Variants in SLC9C1 observed in about 807,000 individuals in gnomAD.
SLC9C1 encodes the protein solute carrier family 9 member C1.
SLC9C1 carries 97 observed loss-of-function variants against 140.9 expected under a neutral mutation model. The ratio of observed to expected loss-of-function variants is 0.69; its 90% CI spans 0.58 to 0.82. The LOEUF is 0.82. Ranked by LOEUF, SLC9C1 falls within the 40% of genes least tolerant of loss-of-function variation. The pLI is 0.00. For missense variants in SLC9C1, 1,340 were observed against 1,389.3 expected (o/e 0.96, Z 0.56); for synonymous variants, 440 against 442.6 (o/e 0.99, Z 0.07).
At chr3:112,220,837 C>A (rs775618618) in intron 14 of SLC9C1, among the ~76,000 whole-genome samples, 1 of 122,818 alleles carries the variant, frequency 8.1e-6, no homozygotes, top group Non-Finnish European at 1.7e-5. Flanking sequence ...TTCTTTACCA[C>A]AGCTTAACTT....
chr3:112,255,451 A>C (rs1363401674), intron 10 of SLC9C1, among the ~76,000 whole-genome samples: 1 of 152,186 alleles, frequency 6.6e-6, no homozygotes. Context: ...ATCCAATTAC[A>C]TGGAAATTAA....
chr3:112,142,534 CAAG>C (rs1360492554), intron 28 of SLC9C1, among the ~76,000 whole-genome samples: 1 of 152,030 alleles, frequency 6.6e-6, no homozygotes, highest in Non-Finnish European at 1.5e-5. Flanking sequence ...GTCCTCCTGC[CAAG>C]AAGATTATCA....
intron 10 of SLC9C1, among the ~76,000 whole-genome samples, chr3:112,257,411 C>G (rs1329229515): frequency 6.6e-6 from 1 of 152,112 alleles, no homozygotes; most frequent in African/African-American, 2.4e-5. Flanking sequence ...CTACAACCAT[C>G]TTATCTTGGA....
chr3:112,282,302 A>G (rs571751769), intron 2 of SLC9C1, among the ~76,000 whole-genome samples: 1 of 152,268 alleles, frequency 6.6e-6, no homozygotes, highest in East Asian at 1.9e-4. Context: ...GAAATAGTTT[A>G]GTCAAACTAC....
chr3:112,196,185 C>CT lies in SLC9C1; in HGVS notation c.2523+3135dup, dbSNP rs575739371. On this transcript the variant is annotated intron_variant, in intron 20 of 28. Coordinates refer to ENST00000305815, the MANE Select transcript of SLC9C1 (RefSeq NM_183061.3). ...CTGAATGTAAGATTCTTGGCTGACA[C>CT]TTTTTTTTTTTTCCACTTCGAATAT... Among the ~76,000 whole-genome samples the CT allele has an allele frequency of 5.0e-4, 73 of 145,672 alleles. No homozygotes were observed. In the South Asian group the frequency reaches 5.2e-3, roughly 10 times the overall value.
chr3:112,200,832 C>A (rs2077888407), intron 18 of SLC9C1, 70 bp from the exon 19 acceptor site: 1 of 1,344,636 alleles, frequency 7.4e-7, no homozygotes, highest in East Asian at 2.4e-5. Flanking sequence ...ACATTTGCAA[C>A]TGATGGATTT....
chr3:112,290,084 A>T (rs1399937421), intron 1 of SLC9C1, among the ~76,000 whole-genome samples: 5 of 152,222 alleles, frequency 3.3e-5, no homozygotes, highest in Non-Finnish European at 5.9e-5. Flanking sequence ...TTGGTCAATT[A>T]GTAATATTTG....
chr3:112,262,978 G>A lies in SLC9C1; in HGVS notation c.1143C>T (p.Ala381=). The change falls in exon 10 of 29, where the codon GCC becomes GCT. Residue 381 remains alanine, a synonymous_variant. Coordinates refer to ENST00000305815, the MANE Select transcript of SLC9C1 (RefSeq NM_183061.3). Reference sequence around the variant, plus strand: ...AAAGATCAGAGTAGGCAAGCAGAAGGGCCATGTTTATATTAGGCATCCCCT... The same window carrying A: ...AAAGATCAGAGTAGGCAAGCAGAAGAGCCATGTTTATATTAGGCATCCCCT... ...EMKGMPNINM[A]LLLAYSDLYF... 5 of 1,601,670 alleles carry A rather than the reference G, an allele frequency of 3.1e-6. No homozygotes were observed. Among genetic ancestry groups the A allele is most frequent in the Non-Finnish European group, 4.3e-6 (5 of 1,175,214 alleles).
At chr3:112,286,614 C>A in intron 2 of SLC9C1, 90 bp downstream of exon 2, 2 of 1,075,134 alleles carry the variant, frequency 1.9e-6, no homozygotes, top group South Asian at 1.8e-5. Flanking sequence ...AAATTATATC[C>A]TATTACTTCT....
chr3:112,173,461 T>A (rs764549371), intron 23 of SLC9C1, among the ~76,000 whole-genome samples: 1 of 152,202 alleles, frequency 6.6e-6, no homozygotes, highest in East Asian at 1.9e-4. Flanking sequence ...GGCTCTGGTG[T>A]ATCTTGCTCC....
At position 112,175,801 on chromosome 3, in the gene SLC9C1, A is replaced by C. The variant is rs2077325663; in HGVS notation, c.2919+3730T>G. ...TTGCCACCGATTTGCTGGAGCCCTA[A>C]GGCAACAGTGGTTGAGGCTGTGAAA... On this transcript the variant is annotated intron_variant, in intron 23 of 28. Transcript: ENST00000305815. 2.6e-5 allele frequency among the ~76,000 whole-genome samples: 4 copies of C among 152,278 alleles called. No individual in the cohort carries two copies. In the South Asian group the frequency reaches 8.3e-4, roughly 32 times the overall value.
At chr3:112,228,832 A>G (rs1282505789) in intron 13 of SLC9C1, among the ~76,000 whole-genome samples, 1 of 152,118 alleles carries the variant, frequency 6.6e-6, no homozygotes, top group Non-Finnish European at 1.5e-5. Context: ...CCATAATGAG[A>G]TATTATCTTT....
At chr3:112,251,929 C>T (rs1431603028) in intron 10 of SLC9C1, among the ~76,000 whole-genome samples, 8 of 152,196 alleles carry the variant, frequency 5.3e-5, no homozygotes. Flanking sequence ...AGGGATCTAA[C>T]CCCCAACCTT....
chr3:112,163,235 T>G (rs2107894573), intron 26 of SLC9C1, among the ~76,000 whole-genome samples: 1 of 148,228 alleles, frequency 6.7e-6, no homozygotes, highest in Middle Eastern at 3.6e-3. Flanking sequence ...CCTGGATTCA[T>G]TAATTTTTTG....
chr3:112,179,967 C>A (rs1300350922), intron 22 of SLC9C1, among the ~76,000 whole-genome samples: 1 of 152,130 alleles, frequency 6.6e-6, no homozygotes, highest in Non-Finnish European at 1.5e-5. Context: ...TAACTCAGAT[C>A]AGCATAAGAT....
chr3:112,145,019 A>C (rs1408807473), intron 28 of SLC9C1, among the ~76,000 whole-genome samples: 2 of 152,122 alleles, frequency 1.3e-5, no homozygotes, highest in African/African-American at 4.8e-5. Flanking sequence ...TTCTTGTTCC[A>C]GTTCTCAAAG....
At chr3:112,198,179 T>C (rs1254819555) in intron 20 of SLC9C1, among the ~76,000 whole-genome samples, 1 of 152,056 alleles carries the variant, frequency 6.6e-6, no homozygotes, top group Non-Finnish European at 1.5e-5. Context: ...TTATGTATTT[T>C]ATATTAGGTT....
chr3:112,224,103 A>G (rs184555630), intron 13 of SLC9C1, among the ~76,000 whole-genome samples: 67 of 152,290 alleles, frequency 4.4e-4, no homozygotes, highest in Non-Finnish European at 7.6e-4. Context: ...TACCCATGGT[A>G]GCATAGCCAG....
chr3:112,246,644 T>C (rs2079292977), intron 10 of SLC9C1, among the ~76,000 whole-genome samples: 1 of 152,126 alleles, frequency 6.6e-6, no homozygotes, highest in Admixed American at 6.6e-5. Flanking sequence ...GATGATAACT[T>C]TTTAAAATCT....
Sources: gnomAD v4.1 joint callset for allele counts (sites outside exome capture counted in the v4.1 genomes callset) on GRCh38, gnomAD v4.1.1 for gene constraint, MANE v1.5 for transcripts, NCBI Gene and HGNC (gene_info 2026-07-23, HGNC 2026-07-21) for gene names.